The following AKT2 variants were observed in gnomAD, a reference collection of about 807,000 sequenced individuals.
The protein encoded by AKT2 is AKT serine/threonine kinase 2.
AKT2 carries 16 observed loss-of-function variants against 58.6 expected under a neutral mutation model. The ratio of observed to expected loss-of-function variants is 0.27; its 90% CI spans 0.18 to 0.41. The LOEUF (loss-of-function observed/expected upper bound fraction) is 0.41, where lower values mean the gene tolerates loss of function less well. Among genes scored for constraint, AKT2 ranks in the 10% least tolerant of loss-of-function variants. The pLI is 1.00. For missense variants in AKT2, 438 were observed against 661.0 expected (o/e 0.66, Z 3.70); for synonymous variants, 253 against 254.0 (o/e 1.00, Z 0.04).
intron 1 of AKT2, among the ~76,000 whole-genome samples, chr19:40,278,438 G>A (rs1421033031): frequency 6.6e-6 from 1 of 152,138 alleles, no homozygotes; most frequent in Non-Finnish European, 1.5e-5. Context: ...AATATTCTAT[G>A]TGGCTTCCTG....
chr19:40,277,326 T>C (rs7250897), intron 1 of AKT2, among the ~76,000 whole-genome samples: 110,715 of 152,092 alleles, frequency 0.73, 40,514 homozygotes, highest in African/African-American at 0.8. Flanking sequence ...AAAGAGTCAA[T>C]GCCCTGCAGA....
rs189986892 is a variant in AKT2, at chr19:40,242,693, C to G, written c.288-6G>C. The G allele has an allele frequency of 9.3e-6, 15 of 1,609,962 alleles. No homozygotes were observed. The highest frequency in any genetic ancestry group is 8.3e-5 in the Admixed American group (5 of 60,022). On this transcript the variant is annotated splice_region_variant and splice_polypyrimidine_tract_variant and intron_variant, in intron 4 of 13. Transcript: ENST00000392038. This position sits in a 1 kb window ranked among gnomAD's most constrained non-coding sequence, Gnocchi z 4.3. ...TGGCCCGCATCCACTCCTCCCTGTGCAGGGACACACGTGAGTCCCAGCAGC... is the reference window on the plus strand; with the variant it reads ...TGGCCCGCATCCACTCCTCCCTGTGGAGGGACACACGTGAGTCCCAGCAGC...
chr19:40,251,910 C>T (rs945315629), intron 4 of AKT2, among the ~76,000 whole-genome samples: 5 of 152,212 alleles, frequency 3.3e-5, no homozygotes, highest in East Asian at 1.9e-4. Flanking sequence ...GAAGCAGACA[C>T]GGTGAATGCG....
Position 40,233,905 on chromosome 19 carries a change from G to C in AKT2, c.1413C>G (p.Pro471=), listed in dbSNP as rs199536208. The change falls in exon 14 of 14, where the codon CCC becomes CCG. Residue 471 remains proline (P), a synonymous_variant. Transcript: ENST00000392038. This position sits in a 1 kb window ranked among gnomAD's most constrained non-coding sequence, Gnocchi z 4.3. ...LLELDQRTHF[P]QFSYSASIRE is the part of the protein sequence containing the mutation. ...GGATGCTGGCCGAGTAGGAGAACTG[G>C]GGGAAGTGGGTCCGCTGGTCCAGCT... 2.5e-6 allele frequency: 4 copies of C among 1,612,018 alleles called. No homozygotes were observed. In the African/African-American group the frequency reaches 5.3e-5, roughly 21 times the overall value.
intron 1 of AKT2, chr19:40,274,853 A>G: frequency 2.9e-6 from 1 of 350,366 alleles, no homozygotes; most frequent in Non-Finnish European, 5.7e-6. Flanking sequence ...TGTGGCTCTT[A>G]TTTGGAGTGA....
chr19:40,236,744 C>A (rs1281285408), intron 9 of AKT2: 2 of 340,730 alleles, frequency 5.9e-6, no homozygotes. Flanking sequence ...AAATATGCAG[C>A]CAGGCAAAGT....
intron 1 of AKT2, chr19:40,282,091 T>C (rs1371362034): frequency 1.0e-5 from 2 of 195,686 alleles, no homozygotes; most frequent in African/African-American, 4.8e-5. Flanking sequence ...ATTGAAGTTC[T>C]GGATCCTAGC....
rs372205901 is a variant in AKT2 at position 40,276,215 on chromosome 19, T to C, written c.-85+8966A>G. Reference sequence around the variant, plus strand: ...ATCTCTCCCGCACCCCAACGCAGCTTACCTGGGGAATTGGAGCAGGACTCA... The same window carrying C: ...ATCTCTCCCGCACCCCAACGCAGCTCACCTGGGGAATTGGAGCAGGACTCA... On this transcript the variant is annotated intron_variant, in intron 1 of 13. Coordinates refer to ENST00000392038, the MANE Select transcript of AKT2 (RefSeq NM_001626.6). Among the ~76,000 whole-genome samples, 20 of 151,894 alleles carry C rather than the reference T, an allele frequency of 1.3e-4. 1 individual carries two copies. The East Asian group carries it at 1.5e-3, about 12-fold the overall frequency.
At chr19:40,257,235 G>C (rs1257497635) in intron 2 of AKT2, among the ~76,000 whole-genome samples, 181 bp from the exon 3 acceptor site, 2 of 152,234 alleles carry the variant, frequency 1.3e-5, no homozygotes, top group East Asian at 3.9e-4. Flanking sequence ...TGCTGACGCA[G>C]GCTGGGGCAC....
In AKT2 at chr19:40,233,507, C is replaced by T. The variant is rs978969363; in HGVS notation, c.*365G>A. 9 of 602,834 alleles carry T rather than the reference C, an allele frequency of 1.5e-5. No individual in the cohort carries two copies. The highest frequency in any genetic ancestry group is 3.3e-5 in the East Asian group (1 of 30,464). The allele number at this position is 602,834 out of a possible 1,614,324, so 37.3% of individuals were successfully genotyped here. A position where few individuals can be genotyped will look rare whatever the true frequency, so the allele number is the denominator to read the frequency against. On this transcript the variant is annotated 3_prime_UTR_variant, in exon 14 of 14. Coordinates refer to ENST00000392038, the MANE Select transcript of AKT2 (RefSeq NM_001626.6). This position sits in a 1 kb window ranked among gnomAD's most constrained non-coding sequence, Gnocchi z 4.3. ...CAGCCTTCGTCCAGATGCAGCAGCG[C>T]GGAGGCAGACACCAGCACGACACCC... is the stretch of plus-strand genomic sequence containing the variant.
chr19:40,245,952 G>C (rs919166611), intron 4 of AKT2, among the ~76,000 whole-genome samples: 1 of 152,210 alleles, frequency 6.6e-6, no homozygotes, highest in South Asian at 2.1e-4. Context: ...GTGCACACCC[G>C]GGCAGAGCGG....
chr19:40,257,632 T>A (rs1466559663), intron 2 of AKT2, among the ~76,000 whole-genome samples: 1 of 142,254 alleles, frequency 7.0e-6, no homozygotes, highest in Non-Finnish European at 1.5e-5. Context: ...AACCCACTCA[T>A]CAGAGAGCTG....
intron 3 of AKT2, among the ~76,000 whole-genome samples, chr19:40,256,197 C>T (rs1250207800): frequency 6.6e-6 from 1 of 152,100 alleles, no homozygotes; most frequent in Non-Finnish European, 1.5e-5. Flanking sequence ...GTCACCAGCA[C>T]ATGTGGAGAG....
intron 1 of AKT2, chr19:40,282,943 T>A: frequency 5.9e-6 from 1 of 168,204 alleles, no homozygotes; most frequent in Non-Finnish European, 1.3e-5. Flanking sequence ...CTATGAGACC[T>A]CTGGGAAATC....
At chr19:40,276,367 T>C (rs2077324741) in intron 1 of AKT2, among the ~76,000 whole-genome samples, 1 of 99,722 alleles carries the variant, frequency 1.0e-5, no homozygotes, top group African/African-American at 4.7e-5. Context: ...TTTTTTTTTT[T>C]TTTTTTTTTT....
intron 7 of AKT2, 72 bp downstream of exon 7, chr19:40,239,973 G>T (rs762120524): frequency 6.5e-7 from 1 of 1,549,104 alleles, no homozygotes; most frequent in South Asian, 1.1e-5. Context: ...TGTACCAGAA[G>T]ATTAGGGCTC....
In AKT2 at chr19:40,240,116, G is replaced by A. The variant is rs1381601706; in HGVS notation, c.574-6C>T. 1.2e-6 allele frequency: 2 copies of A among 1,613,964 alleles called. No individual in the cohort carries two copies. The highest frequency in any genetic ancestry group is 1.3e-5 in the African/African-American group (1 of 75,066). On this transcript the variant is annotated splice_region_variant and splice_polypyrimidine_tract_variant and intron_variant, in intron 6 of 13. Transcript: ENST00000392038. ...ACTGTGTGAGCGACTTCATCCTGCA[G>A]ACAGACTGCGGGTGAGGGGCTGGTG...
chr19:40,235,264 T>G lies in AKT2; in HGVS notation c.1262A>C (p.Lys421Thr). Residue 421 changes from lysine (K) to threonine (T), a missense_variant and splice_region_variant, in exon 12 of 14, where the codon AAG becomes ACG. Physicochemically the swap from Lys to Thr is moderately conservative, Grantham distance 78 (BLOSUM62 -1). This residue lies in a region of AKT2 where 148 missense variants were observed against 199.5 expected (regional missense o/e 0.74). Transcript: ENST00000392038. The surrounding 1 kb of genome is among the most constrained non-coding windows in gnomAD (Gnocchi z 6.3). ...SINWQDVVQK[K>T]LLPPFKPQVT... ...GCTGGGGCAAGCAGTGGGGCTCACCTTCTTCTGGACCACGTCCTGCCAGTT... is the reference window on the plus strand; with the variant it reads ...GCTGGGGCAAGCAGTGGGGCTCACCGTCTTCTGGACCACGTCCTGCCAGTT... The G allele has an allele frequency of 6.2e-7, 1 of 1,613,988 alleles. No individual in the cohort carries two copies. Among genetic ancestry groups the G allele is most frequent in the South Asian group, 1.1e-5 (1 of 91,078 alleles).
In AKT2 at chr19:40,265,351, T is replaced by C. The variant is rs1976272660; in HGVS notation, c.-84A>G. On this transcript the variant is annotated splice_region_variant and 5_prime_UTR_variant, in exon 2 of 14. Transcript: ENST00000392038. ...AGGAGGCACCGTGGACAGGGCACAG[T>C]CTGCAAGACAAGAGAGGAGCTGGTC... 1.3e-6 allele frequency: 2 copies of C among 1,569,626 alleles called. No individual in the cohort carries two copies. Among genetic ancestry groups the C allele is most frequent in the South Asian group, 1.2e-5 (1 of 86,778 alleles).
Sources: gnomAD v4.1 joint callset for allele counts (sites outside exome capture counted in the v4.1 genomes callset) on GRCh38, gnomAD v4.1.1 for gene constraint, gnomAD v4.1.1 regional missense constraint, Gnocchi (gnomAD v3.1) non-coding constraint, MANE v1.5 for transcripts, NCBI Gene and HGNC (gene_info 2026-07-23, HGNC 2026-07-21) for gene names.